Variants in RIMBP2 observed in about 807,000 individuals in gnomAD.
The protein encoded by RIMBP2 is RIMS binding protein 2, also known as RIMS-binding protein 2.
A neutral mutation model predicts 118.6 loss-of-function variants in RIMBP2; 48 were observed. The observed-to-expected ratio is 0.40, with a 90% CI of 0.32 to 0.51. The LOEUF (loss-of-function observed/expected upper bound fraction) is 0.51, where lower values mean the gene tolerates loss of function less well. RIMBP2 is among the 20% of genes least tolerant of loss of function. RIMBP2 has a pLI of 0.41. For missense variants in RIMBP2, 1,551 were observed against 1,768.3 expected, an observed-to-expected ratio of 0.88 and a Z score of 2.20; for synonymous variants, 762 against 742.9, an observed-to-expected ratio of 1.03 and a Z score of -0.42.
chr12:130,573,923 G>A (rs991382540), intron 2 of RIMBP2, among the ~76,000 whole-genome samples: 8 of 152,036 alleles, frequency 5.3e-5, no homozygotes, highest in Admixed American at 1.3e-4. Flanking sequence ...ATCCCTGCAG[G>A]CACACATGGA....
chr12:130,594,981 T>A (rs546929834), intron 2 of RIMBP2, among the ~76,000 whole-genome samples: 1 of 151,980 alleles, frequency 6.6e-6, no homozygotes, highest in Non-Finnish European at 1.5e-5. Flanking sequence ...TTTGCTAAAC[T>A]TCTACACCCT....
Position 130,431,362 on chromosome 12 carries a change from G to T in RIMBP2, c.2254-3025C>A. On this transcript the variant is annotated intron_variant, in intron 14 of 22. Coordinates refer to ENST00000690449, the MANE Select transcript of RIMBP2 (RefSeq NM_001393629.1). The surrounding 1 kb of genome is among the most constrained non-coding windows in gnomAD (Gnocchi z 4.0). ...AGCGGATGGTCAGGGAACACTTCCC[G>T]GGTTGTAAAACTGGCAGTCTGTGCA... The T allele has an allele frequency of 5.6e-6, 2 of 355,742 alleles. No individual in the cohort carries two copies. Among genetic ancestry groups the T allele is most frequent in the South Asian group, 2.2e-5 (1 of 44,516 alleles). The allele number at this position is 355,742 out of a possible 1,614,324, so 22.0% of individuals were successfully genotyped here.
intron 21 of RIMBP2, among the ~76,000 whole-genome samples, chr12:130,402,307 C>T (rs568233168): frequency 4.6e-5 from 7 of 152,234 alleles, no homozygotes; most frequent in Non-Finnish European, 7.4e-5. Context: ...CTTATCCTTG[C>T]GTTCTCAAGG....
chr12:130,479,977 C>G (rs1329152552), intron 4 of RIMBP2, among the ~76,000 whole-genome samples: 6 of 151,878 alleles, frequency 4.0e-5, no homozygotes, highest in African/African-American at 1.5e-4. Flanking sequence ...GGACCAGGCC[C>G]CCAGACCCAT....
intron 4 of RIMBP2, among the ~76,000 whole-genome samples, chr12:130,496,498 G>C (rs971369383): frequency 2.0e-5 from 3 of 152,152 alleles, no homozygotes; most frequent in Admixed American, 1.3e-4. Flanking sequence ...CTGCTGAGCA[G>C]CTCTGGGGTA....
chr12:130,694,254 C>T (rs1193001141), intron 1 of RIMBP2, among the ~76,000 whole-genome samples: 2 of 152,172 alleles, frequency 1.3e-5, no homozygotes, highest in African/African-American at 4.8e-5. Context: ...TGCCCTCAAC[C>T]AGGGGAACGA....
At chr12:130,399,105 G>A in intron 22 of RIMBP2, 1 of 1,366,474 alleles carries the variant, frequency 7.3e-7, no homozygotes, top group Non-Finnish European at 9.5e-7. Context: ...ATCTTCAGTT[G>A]CTCACTTACG....
intron 2 of RIMBP2, among the ~76,000 whole-genome samples, chr12:130,573,184 A>G (rs1282493507): frequency 1.3e-5 from 2 of 152,142 alleles, no homozygotes; most frequent in East Asian, 1.9e-4. Context: ...TATTTATTCT[A>G]TGTATCTATA....
At chr12:130,509,771 C>G (rs1031068675) in intron 3 of RIMBP2, among the ~76,000 whole-genome samples, 1 of 151,524 alleles carries the variant, frequency 6.6e-6, no homozygotes, top group Non-Finnish European at 1.5e-5. Context: ...TTAGTACTTT[C>G]TTTTCTAAAC....
rs1392411256 is a variant in RIMBP2 at position 130,623,317 on chromosome 12, T to C, written c.-217+5005A>G. 1.3e-5 allele frequency among the ~76,000 whole-genome samples: 2 copies of C among 152,226 alleles called. No individual in the cohort carries two copies. Among genetic ancestry groups the C allele is most frequent in the Non-Finnish European group, 2.9e-5 (2 of 68,040 alleles). The stretch of plus-strand genomic sequence containing the variant: ...TGCAGGTTTGTTACACAGGTATACA[T>C]GTGCCACAGTGGTTTGCTGCACCCA... On this transcript the variant is annotated intron_variant, in intron 2 of 22. Coordinates refer to ENST00000690449, the MANE Select transcript of RIMBP2 (RefSeq NM_001393629.1). The surrounding 1 kb of genome is among the most constrained non-coding windows in gnomAD (Gnocchi z 4.1).
At position 130,621,832 on chromosome 12, in the gene RIMBP2, C is replaced by T. The variant is rs1320543949; in HGVS notation, c.-217+6490G>A. 6.6e-6 allele frequency among the ~76,000 whole-genome samples: 1 copy of T among 152,126 alleles called. No individual in the cohort carries two copies. Among genetic ancestry groups the T allele is most frequent in the African/African-American group, 2.4e-5 (1 of 41,430 alleles). Reference sequence around the variant, plus strand: ...CCCTTTTACTGCCCTTGAAGGTAAACCTGGAGCCATCGCTGAACCCAGCCT... The same window carrying T: ...CCCTTTTACTGCCCTTGAAGGTAAATCTGGAGCCATCGCTGAACCCAGCCT... On this transcript the variant is annotated intron_variant, in intron 2 of 22. Coordinates refer to ENST00000690449, the MANE Select transcript of RIMBP2 (RefSeq NM_001393629.1). The surrounding 1 kb of genome is among the most constrained non-coding windows in gnomAD (Gnocchi z 6.6).
intron 10 of RIMBP2, among the ~76,000 whole-genome samples, chr12:130,444,456 T>C (rs1393804097): frequency 6.6e-6 from 1 of 152,090 alleles, no homozygotes; most frequent in African/African-American, 2.4e-5. Context: ...TTCCTTCTGC[T>C]CAGGGGGAAG....
chr12:130,681,378 G>A (rs917142743), intron 1 of RIMBP2, among the ~76,000 whole-genome samples: 2 of 152,104 alleles, frequency 1.3e-5, no homozygotes, highest in Non-Finnish European at 2.9e-5. Flanking sequence ...GAACACTTTA[G>A]TAACTTTAAG....
At chr12:130,644,202 C>CT (rs2141043876) in intron 1 of RIMBP2, among the ~76,000 whole-genome samples, 1 of 152,270 alleles carries the variant, frequency 6.6e-6, no homozygotes, top group African/African-American at 2.4e-5. Context: ...GGCAGACTCC[C>CT]TAACAAGGCC....
intron 6 of RIMBP2, among the ~76,000 whole-genome samples, chr12:130,457,086 G>A (rs2079520513): frequency 6.6e-6 from 1 of 152,178 alleles, no homozygotes; most frequent in African/African-American, 2.4e-5. Context: ...CTTTGCAGTT[G>A]GCAGGCTTTG....
chr12:130,494,038 G>A (rs931029922), intron 4 of RIMBP2, among the ~76,000 whole-genome samples: 14 of 152,312 alleles, frequency 9.2e-5, no homozygotes, highest in East Asian at 5.8e-4. Context: ...AAAGACAAGC[G>A]TTGATCGGGT....
At chr12:130,548,441 C>T (rs1167496847) in intron 2 of RIMBP2, among the ~76,000 whole-genome samples, 1 of 152,158 alleles carries the variant, frequency 6.6e-6, no homozygotes, top group Admixed American at 6.5e-5. Flanking sequence ...TGTGATCTCC[C>T]CAGCTTATCA....
At chr12:130,476,471 G>T (rs1428384214) in intron 5 of RIMBP2, among the ~76,000 whole-genome samples, 1 of 152,136 alleles carries the variant, frequency 6.6e-6, no homozygotes, top group Non-Finnish European at 1.5e-5. Flanking sequence ...ACTGCCTGGT[G>T]GGGTAAGCAC....
At chr12:130,615,119 AT>A (rs1300047750) in intron 2 of RIMBP2, among the ~76,000 whole-genome samples, 1 of 147,442 alleles carries the variant, frequency 6.8e-6, no homozygotes, top group Non-Finnish European at 1.5e-5. Flanking sequence ...ATATATACAT[AT>A]GTGTATTATG....
Sources: gnomAD v4.1 joint callset for allele counts (sites outside exome capture counted in the v4.1 genomes callset) on GRCh38, gnomAD v4.1.1 for gene constraint, Gnocchi (gnomAD v3.1) non-coding constraint, MANE v1.5 for transcripts, NCBI Gene and HGNC (gene_info 2026-07-23, HGNC 2026-07-21) for gene names.